Variants in TGFBRAP1 observed in about 807,000 individuals in gnomAD.
TGFBRAP1 encodes transforming growth factor-beta receptor-associated protein 1.
TGFBRAP1 carries 20 observed loss-of-function variants against 83.2 expected under a neutral mutation model. The ratio of observed to expected loss-of-function variants is 0.24; its 90% CI spans 0.17 to 0.35. TGFBRAP1 has a LOEUF of 0.35. Ranked by LOEUF, TGFBRAP1 falls within the 10% of genes least tolerant of loss-of-function variation. The pLI, the probability that TGFBRAP1 is intolerant of heterozygous loss-of-function variation, is 1.00. For missense variants in TGFBRAP1, 950 were observed against 1,099.4 expected, an observed-to-expected ratio of 0.86 and a Z score of 1.92; for synonymous variants, 415 against 459.8, an observed-to-expected ratio of 0.90 and a Z score of 1.25.
chr2:105,272,430 T>C (rs945657143), intron 10 of TGFBRAP1, among the ~76,000 whole-genome samples: 1 of 152,166 alleles, frequency 6.6e-6, no homozygotes, highest in Non-Finnish European at 1.5e-5. Context: ...ATAAAGACAC[T>C]GTGTGTCAAG....
Position 105,269,329 on chromosome 2 carries a change from G to C in TGFBRAP1, c.2349C>G (p.Thr783=). 1 of 1,613,764 alleles carries C rather than the reference G, an allele frequency of 6.2e-7. No homozygotes were observed. The highest frequency in any genetic ancestry group is 8.5e-7 in the Non-Finnish European group (1 of 1,179,740). ...TGGCCAGGCCGAGAGCCACCTGCAT[G>C]GTCCTCCTGGCATGGATGCTGTCCC... ...AMRDSIHARR[T]MQVALGLARS... Residue 783 remains threonine (T), a synonymous_variant, in exon 11 of 12, where the codon ACC becomes ACG. Transcript: ENST00000393359. This position sits in a 1 kb window ranked among gnomAD's most constrained non-coding sequence, Gnocchi z 4.1.
intron 3 of TGFBRAP1, among the ~76,000 whole-genome samples, chr2:105,297,522 T>C (rs1026584419): frequency 6.6e-6 from 1 of 152,218 alleles, no homozygotes; most frequent in Non-Finnish European, 1.5e-5. Context: ...TTATCTCCTA[T>C]AAGCATCTAT....
intron 10 of TGFBRAP1, among the ~76,000 whole-genome samples, chr2:105,271,459 G>A (rs966286598): frequency 1.3e-5 from 2 of 152,176 alleles, no homozygotes; most frequent in Admixed American, 6.5e-5. Flanking sequence ...ATTGCACAGC[G>A]GATCGCCACA....
downstream of TGFBRAP1, among the ~76,000 whole-genome samples, chr2:105,260,093 A>G (rs1383640397): frequency 6.6e-6 from 1 of 152,242 alleles, no homozygotes; most frequent in Non-Finnish European, 1.5e-5. Flanking sequence ...ATGAAATGGA[A>G]TATTATTCAG....
At chr2:105,298,108 A>G (rs537908435) in intron 3 of TGFBRAP1, among the ~76,000 whole-genome samples, 1 of 152,228 alleles carries the variant, frequency 6.6e-6, no homozygotes, top group South Asian at 2.1e-4. Flanking sequence ...AGTGGCCTGA[A>G]GCCCATAGTA....
In TGFBRAP1 at chr2:105,292,969, G is replaced by A. The variant is rs536673924; in HGVS notation, c.1038+3387C>T. Among the ~76,000 whole-genome samples the A allele has an allele frequency of 2.0e-5, 3 of 151,944 alleles. No homozygotes were observed. The East Asian group carries it at 5.8e-4, about 29-fold the overall frequency. ...GTGACATTAAAACAGTAATTTGAGT[G>A]TACAGGCTAGCGAGATTTTTCCCTA... On this transcript the variant is annotated intron_variant, in intron 4 of 11. Coordinates refer to ENST00000393359, the MANE Select transcript of TGFBRAP1 (RefSeq NM_004257.6).
intron 2 of TGFBRAP1, among the ~76,000 whole-genome samples, chr2:105,304,577 G>A (rs1221213701): frequency 6.6e-6 from 1 of 152,246 alleles, no homozygotes; most frequent in Non-Finnish European, 1.5e-5. Flanking sequence ...GAGGTCAGGA[G>A]TTCAAGACCA....
At chr2:105,272,047 C>A (rs1053246181) in intron 10 of TGFBRAP1, among the ~76,000 whole-genome samples, 1 of 152,158 alleles carries the variant, frequency 6.6e-6, no homozygotes. Context: ...GGAGACAACA[C>A]GTGTGTTAGA....
intron 4 of TGFBRAP1, among the ~76,000 whole-genome samples, chr2:105,293,598 C>T (rs536710412): frequency 4.6e-5 from 7 of 152,330 alleles, no homozygotes; most frequent in Admixed American, 3.3e-4. Context: ...GTCACAAACA[C>T]TCTAAGACTA....
At chr2:105,319,429 C>T (rs200801921) in intron 1 of TGFBRAP1, among the ~76,000 whole-genome samples, 2 of 149,448 alleles carry the variant, frequency 1.3e-5, no homozygotes, top group Non-Finnish European at 1.5e-5. Flanking sequence ...CAGTGGCTCA[C>T]GCCTGTAATC....
the TGFBRAP1 span, among the ~76,000 whole-genome samples, chr2:105,257,886 C>G: frequency 6.6e-6 from 1 of 152,152 alleles, no homozygotes; most frequent in Admixed American, 6.5e-5. Context: ...AAGGTCTTTG[C>G]CAAGACCTGT....
chr2:105,320,960 C>T (rs1264880330), intron 1 of TGFBRAP1, among the ~76,000 whole-genome samples: 16 of 152,178 alleles, frequency 1.1e-4, no homozygotes, highest in African/African-American at 3.9e-4. Context: ...TCTCATCTGT[C>T]GCTAGTCCAT....
rs1678554875 is a variant in TGFBRAP1 at position 105,307,738 on chromosome 2, G to A, written c.564C>T (p.Tyr188=). 1.2e-6 allele frequency: 2 copies of A among 1,614,164 alleles called. No homozygotes were observed. The highest frequency in any genetic ancestry group is 1.3e-5 in the African/African-American group (1 of 75,028). The change falls in exon 2 of 12, where the codon TAC becomes TAT. Residue 188 remains tyrosine (Y), a synonymous_variant. Transcript: ENST00000393359. ...HFLCLALTTQ[Y]IIHNYSTGVS... Reference sequence around the variant, plus strand: ...CGCCTGTGCTGTAATTGTGGATGATGTACTGAGTGGTCAGAGCCAGACACA... The same window carrying A: ...CGCCTGTGCTGTAATTGTGGATGATATACTGAGTGGTCAGAGCCAGACACA...
In TGFBRAP1 at chr2:105,269,354, C is replaced by T. The variant is rs1677062835; in HGVS notation, c.2324G>A (p.Arg775Lys). The T allele has an allele frequency of 6.2e-7, 1 of 1,613,938 alleles. No individual in the cohort carries two copies. Among genetic ancestry groups the T allele is most frequent in the African/African-American group, 1.3e-5 (1 of 74,918 alleles). The change falls in exon 11 of 12, where the codon AGG (arginine) becomes AAG (lysine). Residue 775 changes from arginine to lysine, a missense_variant. Physicochemically the swap from Arg to Lys is conservative, Grantham distance 26 (BLOSUM62 2). Transcript: ENST00000393359. This position sits in a 1 kb window ranked among gnomAD's most constrained non-coding sequence, Gnocchi z 4.1. Reference protein sequence around the residue: ...LLCPFLMGAMRDSIHARRTMQ... With the variant: ...LLCPFLMGAMKDSIHARRTMQ... ...GGTCCTCCTGGCATGGATGCTGTCCCTCATGGCCCCCATCAGGAATGGGCA... is the reference window on the plus strand; with the variant it reads ...GGTCCTCCTGGCATGGATGCTGTCCTTCATGGCCCCCATCAGGAATGGGCA...
At chr2:105,252,976 G>A in the TGFBRAP1 span, among the ~76,000 whole-genome samples, 4 of 151,894 alleles carry the variant, frequency 2.6e-5, no homozygotes, top group Admixed American at 6.6e-5. Flanking sequence ...GGATGGTCTC[G>A]ATCTCCTGAC....
intron 3 of TGFBRAP1, among the ~76,000 whole-genome samples, chr2:105,297,035 C>T (rs1678113592): frequency 2.0e-5 from 3 of 152,150 alleles, no homozygotes; most frequent in Admixed American, 2.0e-4. Context: ...ATTCATCTCC[C>T]CACAATCCTG....
rs1177329674 is a variant in TGFBRAP1, at chr2:105,316,462, T to TGTGCGCGCGC, written c.-17-8145_-17-8144insGCGCGCGCAC. 4.9e-3 allele frequency among the ~76,000 whole-genome samples: 414 copies of TGTGCGCGCGC among 84,724 alleles called. 2 individuals are homozygous for TGTGCGCGCGC. Among genetic ancestry groups the TGTGCGCGCGC allele is most frequent in the African/African-American group, 9.1e-3 (167 of 18,448 alleles). 55.6% of individuals were successfully genotyped at this position (84,724 alleles called of 152,430 possible). On this transcript the variant is annotated intron_variant, in intron 1 of 11. Transcript: ENST00000393359. ...GTGTGTGTGTGTGTGTGTGTGTGTG[T>TGTGCGCGCGC]GCGCGCGCGCGCGCGCGCACGCGCA...
Position 105,269,449 on chromosome 2 carries a change from G to A in TGFBRAP1, c.2229C>T (p.Arg743=), listed in dbSNP as rs553548638. The change falls in exon 11 of 12, where the codon CGC becomes CGT. Residue 743 remains arginine (R), a synonymous_variant. Coordinates refer to ENST00000393359, the MANE Select transcript of TGFBRAP1 (RefSeq NM_004257.6). This position sits in a 1 kb window ranked among gnomAD's most constrained non-coding sequence, Gnocchi z 4.1. ...GGGCTGCATCAAATTCGGTGGCGTG[G>A]CGGTTCAGCAGGTCCACGGCAGCCA... is the stretch of plus-strand genomic sequence containing the variant. ...LAVAAVDLLN[R]HATEFDAAQV... The A allele has an allele frequency of 6.2e-7, 1 of 1,613,732 alleles. No individual in the cohort carries two copies. Among genetic ancestry groups the A allele is most frequent in the South Asian group, 1.1e-5 (1 of 91,066 alleles).
At chr2:105,282,146 T>C (rs1469325041) in intron 5 of TGFBRAP1, among the ~76,000 whole-genome samples, 1 of 152,246 alleles carries the variant, frequency 6.6e-6, no homozygotes, top group African/African-American at 2.4e-5. Context: ...GCACCTGTGC[T>C]GCAGGAAAGG....
Sources: gnomAD v4.1 joint callset for allele counts (sites outside exome capture counted in the v4.1 genomes callset) on GRCh38, gnomAD v4.1.1 for gene constraint, Gnocchi (gnomAD v3.1) non-coding constraint, MANE v1.5 for transcripts, NCBI Gene and HGNC (gene_info 2026-07-23, HGNC 2026-07-21) for gene names.